The following ITGA9 variants were observed in gnomAD, a reference collection of about 807,000 sequenced individuals.
ITGA9 encodes the protein integrin subunit alpha 9, also known as integrin alpha-9.
Under a neutral mutation model 127.8 loss-of-function variants are expected in ITGA9, and 56 were observed. The ratio of observed to expected loss-of-function variants is 0.44; its 90% CI spans 0.35 to 0.55. The LOEUF is 0.55. ITGA9 is among the 20% of genes least tolerant of loss of function. The probability of loss-of-function intolerance (pLI) is 0.00; values close to 1 mark genes in which losing one functional copy is unlikely to be tolerated. For synonymous variants in ITGA9, 508 were observed against 514.5 expected (o/e 0.99, Z 0.17); for missense variants, 1,196 against 1,347.1 (o/e 0.89, Z 1.76).
At position 37,459,684 on chromosome 3, in the gene ITGA9, G is replaced by A. The variant is rs560202051; in HGVS notation, c.185+7125G>A. Among the ~76,000 whole-genome samples the A allele has an allele frequency of 1.1e-4, 16 of 152,286 alleles. No homozygotes were observed. The South Asian group carries it at 3.3e-3, about 32-fold the overall frequency. On this transcript the variant is annotated intron_variant, in intron 1 of 27. Coordinates refer to ENST00000264741, the MANE Select transcript of ITGA9 (RefSeq NM_002207.3). The stretch of plus-strand genomic sequence containing the variant: ...AGAGGCATTATTGCCCAAGTTACAT[G>A]GCTAATGAGTTGTCGAGCACAGGCC...
At chr3:37,464,355 T>G (rs1698348641) in intron 1 of ITGA9, among the ~76,000 whole-genome samples, 1 of 152,026 alleles carries the variant, frequency 6.6e-6, no homozygotes, top group Admixed American at 6.6e-5. Context: ...TATGAGCTCT[T>G]GGGTGCTGCC....
chr3:37,520,545 C>G (rs547862570), intron 11 of ITGA9, among the ~76,000 whole-genome samples: 1 of 152,182 alleles, frequency 6.6e-6, no homozygotes, highest in Non-Finnish European at 1.5e-5. Context: ...AAGGAACGCT[C>G]GGAAACTCAG....
chr3:37,732,645 G>T lies in ITGA9; in HGVS notation c.2068-67G>T, dbSNP rs138771451. The T allele has an allele frequency of 3.3e-6, 4 of 1,221,314 alleles. No homozygotes were observed. The Admixed American group carries it at 5.9e-5, about 18-fold the overall frequency. 75.7% of individuals were successfully genotyped at this position (1,221,314 alleles called of 1,614,324 possible). On this transcript the variant is annotated intron_variant, in intron 18 of 27. Transcript: ENST00000264741. ...CTGCTCTGAAGGACTCGATTGCCCC[G>T]TGGAGCCTGCTCCCACACACCTGCC...
chr3:37,790,791 T>A (rs1001954151), intron 26 of ITGA9: 1 of 152,948 alleles, frequency 6.5e-6, no homozygotes, highest in South Asian at 2.1e-4. Flanking sequence ...AAGTGCTGGT[T>A]GCGAGGTGCC....
At chr3:37,784,830 C>A in intron 25 of ITGA9, 147 bp from the exon 26 acceptor site, 2 of 686,994 alleles carry the variant, frequency 2.9e-6, no homozygotes, top group Admixed American at 4.1e-5. Flanking sequence ...TATGTGGGTG[C>A]CTGGGATGGA....
chr3:37,811,602 T>C (rs1697369435), intron 27 of ITGA9, among the ~76,000 whole-genome samples: 1 of 152,188 alleles, frequency 6.6e-6, no homozygotes, highest in African/African-American at 2.4e-5. Context: ...TGTCCTTGTT[T>C]GTTTGCAGTT....
intron 22 of ITGA9, chr3:37,748,765 A>AG: frequency 4.6e-6 from 3 of 645,304 alleles, no homozygotes; most frequent in Admixed American, 2.6e-5. Flanking sequence ...AAAAAAAAAA[A>AG]AAGAAGGAAG....
intron 18 of ITGA9, among the ~76,000 whole-genome samples, chr3:37,697,081 C>T (rs982623850): frequency 6.6e-6 from 1 of 152,056 alleles, no homozygotes; most frequent in African/African-American, 2.4e-5. Flanking sequence ...CTGCCATGGC[C>T]TAAGACTGAG....
chr3:37,772,677 C>T (rs952741241), intron 23 of ITGA9, among the ~76,000 whole-genome samples: 11 of 152,176 alleles, frequency 7.2e-5, no homozygotes, highest in African/African-American at 2.7e-4. Flanking sequence ...ATTAGCTGGT[C>T]TGAATCAGAC....
At chr3:37,778,704 G>A (rs1255904021) in intron 24 of ITGA9, among the ~76,000 whole-genome samples, 10 of 150,338 alleles carry the variant, frequency 6.7e-5, no homozygotes, top group Non-Finnish European at 4.4e-5. Flanking sequence ...AAAAGTGCAG[G>A]TATTGAAGAT....
intron 15 of ITGA9, among the ~76,000 whole-genome samples, chr3:37,600,743 G>A (rs1467745575): frequency 2.0e-5 from 3 of 152,056 alleles, no homozygotes; most frequent in African/African-American, 4.8e-5. Flanking sequence ...AGCTCCATGG[G>A]CAGAAAGCAC....
intron 4 of ITGA9, among the ~76,000 whole-genome samples, chr3:37,487,914 C>T (rs1698627272): frequency 6.6e-6 from 1 of 151,972 alleles, no homozygotes; most frequent in Non-Finnish European, 1.5e-5. Context: ...TTCAGTTTTG[C>T]AATTATAGAT....
intron 16 of ITGA9, among the ~76,000 whole-genome samples, chr3:37,638,775 C>T (rs80188550): frequency 1.6e-4 from 25 of 152,286 alleles, no homozygotes; most frequent in African/African-American, 5.8e-4. Flanking sequence ...GGTCTGCCCC[C>T]ACTGATGGCC....
intron 5 of ITGA9, 104 bp from the exon 6 acceptor site, chr3:37,503,074 T>C: frequency 2.2e-6 from 3 of 1,359,028 alleles, no homozygotes; most frequent in Non-Finnish European, 3.1e-6. Context: ...AAAAAGTTCT[T>C]GGTGTGAGGA....
intron 16 of ITGA9, among the ~76,000 whole-genome samples, chr3:37,631,603 T>C (rs1045519194): frequency 3.3e-5 from 5 of 152,152 alleles, no homozygotes; most frequent in Non-Finnish European, 7.3e-5. Flanking sequence ...TTTTCTGGTA[T>C]GAGTGAAGTA....
At chr3:37,816,402 A>G (rs926130517) in intron 27 of ITGA9, among the ~76,000 whole-genome samples, 5 of 152,222 alleles carry the variant, frequency 3.3e-5, no homozygotes, top group Non-Finnish European at 7.3e-5. Context: ...GGTATGTGCT[A>G]GAGAATCCTA....
At chr3:37,649,198 C>T (rs1700407398) in intron 16 of ITGA9, among the ~76,000 whole-genome samples, 1 of 150,608 alleles carries the variant, frequency 6.6e-6, no homozygotes, top group Admixed American at 6.6e-5. Context: ...AGAAAATAGT[C>T]ACCAAAATGG....
chr3:37,652,540 A>T (rs1700439691), intron 16 of ITGA9, among the ~76,000 whole-genome samples: 1 of 152,060 alleles, frequency 6.6e-6, no homozygotes. Flanking sequence ...GGGGAATATG[A>T]ATTTTCATAG....
chr3:37,502,847 A>C (rs1284579383), intron 5 of ITGA9, among the ~76,000 whole-genome samples: 1 of 152,124 alleles, frequency 6.6e-6, no homozygotes, highest in Non-Finnish European at 1.5e-5. Flanking sequence ...GTTGAGGTCA[A>C]TGTCAGCTGT....
Sources: allele counts gnomAD v4.1 joint callset (sites outside exome capture counted in the v4.1 genomes callset), GRCh38; gene constraint gnomAD v4.1.1; transcripts MANE v1.5; gene names NCBI Gene and HGNC (gene_info 2026-07-23, HGNC 2026-07-21).